PDPK1: variants seen among roughly 807,000 people sequenced by gnomAD.
PDPK1 encodes 3-phosphoinositide-dependent protein kinase 1.
Under a neutral mutation model 39.8 loss-of-function variants are expected in PDPK1, and 7 were observed. The observed-to-expected ratio is 0.18, with a 90% CI of 0.10 to 0.33. The LOEUF is 0.33. Ranked by LOEUF, PDPK1 falls within the 10% of genes least tolerant of loss-of-function variation. The pLI is 1.00. For missense variants in PDPK1, 182 were observed against 384.7 expected, an observed-to-expected ratio of 0.47 and a Z score of 4.41; for synonymous variants, 118 against 159.1, an observed-to-expected ratio of 0.74 and a Z score of 1.95.
chr16:2,586,367 A>C (rs2066874707), intron 10 of PDPK1, among the ~76,000 whole-genome samples: 1 of 152,212 alleles, frequency 6.6e-6, no homozygotes, highest in African/African-American at 2.4e-5. Context: ...GGGGGGCAGC[A>C]CTGGCATTCA....
chr16:2,586,075 G>A (rs1207835364), intron 10 of PDPK1, among the ~76,000 whole-genome samples: 1 of 152,214 alleles, frequency 6.6e-6, no homozygotes, highest in Non-Finnish European at 1.5e-5. Context: ...GTGAGTTTCC[G>A]TTGTCGACAC....
At position 2,599,246 on chromosome 16, in the gene PDPK1, G is replaced by A; in HGVS notation, c.*1479G>A. The A allele has an allele frequency of 4.3e-6, 1 of 233,072 alleles. No homozygotes were observed. Among genetic ancestry groups the A allele is most frequent in the Non-Finnish European group, 8.5e-6 (1 of 118,080 alleles). The allele number at this position is 233,072 out of a possible 1,614,324, so 14.4% of individuals were successfully genotyped here. A position where few individuals can be genotyped will look rare whatever the true frequency, so the allele number is the denominator to read the frequency against. Reference sequence around the variant, plus strand: ...CTTTGGGGGAGAGGCAGACATTGCTGCCCACAGACCTGCCTCTGACTCAAC... The same window carrying A: ...CTTTGGGGGAGAGGCAGACATTGCTACCCACAGACCTGCCTCTGACTCAAC... On this transcript the variant is annotated 3_prime_UTR_variant, in exon 14 of 14. Coordinates refer to ENST00000342085, the MANE Select transcript of PDPK1 (RefSeq NM_002613.5).
intron 1 of PDPK1, among the ~76,000 whole-genome samples, chr16:2,543,949 G>A (rs1421242632): frequency 6.9e-6 from 1 of 145,662 alleles, no homozygotes; most frequent in Admixed American, 7.1e-5. Flanking sequence ...TGGCCAGGCT[G>A]GTCTCGAGCT....
Position 2,597,571 on chromosome 16 carries a change from G to C in PDPK1, c.1555-80G>C. 1 of 1,019,836 alleles carries C rather than the reference G, an allele frequency of 9.8e-7. No individual in the cohort carries two copies. 63.2% of individuals were successfully genotyped at this position (1,019,836 alleles called of 1,614,324 possible). On this transcript the variant is annotated intron_variant, in intron 13 of 13. Transcript: ENST00000342085. The surrounding 1 kb of genome is among the most constrained non-coding windows in gnomAD (Gnocchi z 6.3). Reference sequence around the variant, plus strand: ...GTGCTTTCAGGACTCGGAATGGCTGGTCGCAGGCAGCTCACCAGGTTGGGG... The same window carrying C: ...GTGCTTTCAGGACTCGGAATGGCTGCTCGCAGGCAGCTCACCAGGTTGGGG...
intron 1 of PDPK1, among the ~76,000 whole-genome samples, chr16:2,552,461 G>A (rs996214517): frequency 6.6e-6 from 1 of 151,736 alleles, no homozygotes; most frequent in Non-Finnish European, 1.5e-5. Context: ...CCTATCAGAG[G>A]TGTGGTTGGG....
At chr16:2,590,506 G>T (rs1030392916) in intron 11 of PDPK1, among the ~76,000 whole-genome samples, 1 of 151,492 alleles carries the variant, frequency 6.6e-6, no homozygotes, top group Non-Finnish European at 1.5e-5. Context: ...CAATTCTGCC[G>T]CAAACATGAG....
rs1358230696 is a variant in PDPK1 at position 2,599,978 on chromosome 16, C to A, written c.*2211C>A. 2 of 233,132 alleles carry A rather than the reference C, an allele frequency of 8.6e-6. No homozygotes were observed. Among genetic ancestry groups the A allele is most frequent in the African/African-American group, 4.4e-5 (2 of 45,258 alleles). 14.4% of individuals were successfully genotyped at this position (233,132 alleles called of 1,614,324 possible). ...AGGGGCTCAGAGCCAGAGCTGGCAG[C>A]CGCCAGCCAAAATGATGCCATTGCC... On this transcript the variant is annotated 3_prime_UTR_variant, in exon 14 of 14. Transcript: ENST00000342085.
chr16:2,540,534 A>G lies in PDPK1; in HGVS notation c.24+2398A>G, dbSNP rs1436405417. 2.0e-5 allele frequency among the ~76,000 whole-genome samples: 3 copies of G among 152,154 alleles called. No homozygotes were observed. In the South Asian group the frequency reaches 6.2e-4, roughly 31 times the overall value. The stretch of plus-strand genomic sequence containing the variant: ...GAGGGTCTGCCGGGCAGCTCAGCCC[A>G]GCACTCTGTAAGGAAATCTTCAGTG... On this transcript the variant is annotated intron_variant, in intron 1 of 13. Transcript: ENST00000342085.
chr16:2,590,780 A>G (rs1387426440), intron 11 of PDPK1, among the ~76,000 whole-genome samples: 2 of 152,088 alleles, frequency 1.3e-5, no homozygotes, highest in East Asian at 1.9e-4. Flanking sequence ...CCAATAAAAG[A>G]CTTTTTTTAG....
intron 1 of PDPK1, among the ~76,000 whole-genome samples, chr16:2,552,243 A>G (rs916509709): frequency 6.7e-6 from 1 of 150,024 alleles, no homozygotes; most frequent in Non-Finnish European, 1.5e-5. Context: ...AAGTGCTGGG[A>G]TTACAGGCAT....
At chr16:2,589,696 GAAAA>G (rs530064221) in intron 11 of PDPK1, among the ~76,000 whole-genome samples, 3 of 74,628 alleles carry the variant, frequency 4.0e-5, no homozygotes, top group Admixed American at 1.5e-4. Flanking sequence ...CTCAAAATTG[GAAAA>G]AAAAAAAAAA....
At chr16:2,558,514 C>T (rs1402310455) in intron 2 of PDPK1, among the ~76,000 whole-genome samples, 4 of 150,498 alleles carry the variant, frequency 2.7e-5, no homozygotes, top group Non-Finnish European at 5.9e-5. Context: ...GCAGTACTGT[C>T]AAGTCACACT....
chr16:2,544,767 G>C (rs1460647574), intron 1 of PDPK1, among the ~76,000 whole-genome samples: 1 of 151,838 alleles, frequency 6.6e-6, no homozygotes, highest in Non-Finnish European at 1.5e-5. Flanking sequence ...TGTATTTTTA[G>C]TAGAGACGGG....
At chr16:2,589,625 G>A (rs1220504762) in intron 11 of PDPK1, among the ~76,000 whole-genome samples, 3 of 150,900 alleles carry the variant, frequency 2.0e-5, no homozygotes, top group African/African-American at 7.3e-5. Context: ...GGAAGTTGAA[G>A]CTGCAGTGAG....
At chr16:2,584,910 G>T (rs556071448) in intron 10 of PDPK1, among the ~76,000 whole-genome samples, 28 of 152,238 alleles carry the variant, frequency 1.8e-4, no homozygotes, top group Admixed American at 1.8e-3. Context: ...GTGCCACTCA[G>T]CTGCTCCTGC....
chr16:2,546,825 G>A (rs572605234), intron 1 of PDPK1, among the ~76,000 whole-genome samples: 49 of 152,164 alleles, frequency 3.2e-4, no homozygotes, highest in Non-Finnish European at 2.4e-4. Context: ...CTGTAGAGCT[G>A]CAGCTATATC....
At chr16:2,545,336 CT>C (rs59225717) in intron 1 of PDPK1, among the ~76,000 whole-genome samples, 3,097 of 145,618 alleles carry the variant, frequency 0.021, 95 homozygotes, top group African/African-American at 0.067. Flanking sequence ...CTTTCTCTCT[CT>C]TTTTTTTTTT....
chr16:2,573,988 GT>G (rs2066683896), intron 6 of PDPK1, among the ~76,000 whole-genome samples: 1 of 25,108 alleles, frequency 4.0e-5, no homozygotes, highest in Non-Finnish European at 6.6e-5. Flanking sequence ...TAGAAACGGG[GT>G]TTCACCACGT....
rs773296682 is a variant in PDPK1, at chr16:2,593,579, C to A, written c.1344-2214C>A. On this transcript the variant is annotated intron_variant, in intron 11 of 13. Coordinates refer to ENST00000342085, the MANE Select transcript of PDPK1 (RefSeq NM_002613.5). This position sits in a 1 kb window ranked among gnomAD's most constrained non-coding sequence, Gnocchi z 4.2. Reference sequence around the variant, plus strand: ...TAAACCATGCATCTCATCACCTCTTCTGGCACTTGCTGGCGTGTGGTGAAA... The same window carrying A: ...TAAACCATGCATCTCATCACCTCTTATGGCACTTGCTGGCGTGTGGTGAAA... 6.2e-6 allele frequency: 1 copy of A among 160,422 alleles called. No individual in the cohort carries two copies. Among genetic ancestry groups the A allele is most frequent in the East Asian group, 1.9e-4 (1 of 5,292 alleles). The allele number at this position is 160,422 out of a possible 1,614,324, so 9.9% of individuals were successfully genotyped here.
Sources: allele counts gnomAD v4.1 joint callset (sites outside exome capture counted in the v4.1 genomes callset), GRCh38; gene constraint gnomAD v4.1.1; non-coding constraint Gnocchi (gnomAD v3.1); transcripts MANE v1.5; gene names NCBI Gene and HGNC (gene_info 2026-07-23, HGNC 2026-07-21).